The following VRK2 variants were observed in gnomAD, a reference collection of about 807,000 sequenced individuals.
The protein encoded by VRK2 is serine/threonine-protein kinase VRK2.
VRK2 carries 60 observed loss-of-function variants against 57.6 expected under a neutral mutation model. The ratio of observed to expected loss-of-function variants is 1.04; its 90% confidence interval spans 0.85 to 1.29. The LOEUF (loss-of-function observed/expected upper bound fraction) is 1.29, where lower values mean the gene tolerates loss of function less well. Ranked by LOEUF, VRK2 falls within the 50% of genes most tolerant of loss-of-function variation. The probability of loss-of-function intolerance (pLI) is 0.00; values close to 1 mark genes in which losing one functional copy is unlikely to be tolerated. For missense variants in VRK2, 705 were observed against 588.1 expected, an observed-to-expected ratio of 1.20 and a Z score of -2.06; for synonymous variants, 231 against 199.2, an observed-to-expected ratio of 1.16 and a Z score of -1.35.
At position 58,046,809 on chromosome 2, in the gene VRK2, G is replaced by T; in HGVS notation, c.-65G>T. The T allele has an allele frequency of 1.0e-6, 1 of 985,642 alleles. No homozygotes were observed. Among genetic ancestry groups the T allele is most frequent in the East Asian group, 1.1e-4 (1 of 8,800 alleles). The allele number at this position is 985,642 out of a possible 1,614,324, so 61.1% of individuals were successfully genotyped here. On this transcript the variant is annotated 5_prime_UTR_variant, in exon 1 of 13. Coordinates refer to ENST00000340157, the MANE Select transcript of VRK2 (RefSeq NM_006296.7). ...ACTGTAGGCCCGGGGGCTCCGCCTC[G>T]TCGCAGCGGCAGGTAGGAGGCGGTG...
intron 7 of VRK2, among the ~76,000 whole-genome samples, chr2:58,096,741 A>T (rs546695266): frequency 6.6e-6 from 1 of 151,272 alleles, no homozygotes; most frequent in East Asian, 1.9e-4. Flanking sequence ...TCTTGTCTTC[A>T]TATATACTCT....
chr2:58,124,851 G>C (rs1678068840), intron 8 of VRK2, among the ~76,000 whole-genome samples: 1 of 151,940 alleles, frequency 6.6e-6, no homozygotes, highest in Non-Finnish European at 1.5e-5. Context: ...TTTTTTTCAA[G>C]TATAGTTTGG....
At chr2:58,047,616 A>T in intron 1 of VRK2, 1 of 271,352 alleles carries the variant, frequency 3.7e-6, no homozygotes, top group Non-Finnish European at 5.6e-6. Flanking sequence ...TAAATCAGTA[A>T]ATCTGTAATA....
chr2:58,068,821 A>AC (rs1668985528), intron 2 of VRK2, among the ~76,000 whole-genome samples: 1 of 151,030 alleles, frequency 6.6e-6, no homozygotes, highest in African/African-American at 2.4e-5. Flanking sequence ...GAAAAAAAAA[A>AC]AAAAAAAACA....
At chr2:58,008,289 G>A (rs1673315609) in intron 1 of VRK2, among the ~76,000 whole-genome samples, 1 of 151,932 alleles carries the variant, frequency 6.6e-6, no homozygotes, top group Non-Finnish European at 1.5e-5. Context: ...AGGAAATATT[G>A]TCAACTGATG....
intron 1 of VRK2, among the ~76,000 whole-genome samples, chr2:57,973,836 G>C (rs553358863): frequency 3.9e-4 from 59 of 151,710 alleles, no homozygotes; most frequent in African/African-American, 1.2e-3. Flanking sequence ...AAGCAGCTGA[G>C]GCCAATATCT....
intron 4 of VRK2, among the ~76,000 whole-genome samples, chr2:58,085,806 A>G (rs1671532995): frequency 6.6e-6 from 1 of 151,960 alleles, no homozygotes; most frequent in South Asian, 2.1e-4. Flanking sequence ...GAGTCATGAA[A>G]AAAATGATGA....
At chr2:58,041,976 C>T (rs140874601), upstream of VRK2, among the ~76,000 whole-genome samples, 112 of 152,080 alleles carry the variant, frequency 7.4e-4, 1 homozygote, top group African/African-American at 2.6e-3. Flanking sequence ...TTACAAGTAT[C>T]GATTGACGTC....
intron 1 of VRK2, among the ~76,000 whole-genome samples, chr2:57,934,884 A>G (rs1345189289): frequency 1.3e-5 from 2 of 151,876 alleles, no homozygotes; most frequent in Non-Finnish European, 2.9e-5. Flanking sequence ...TCATTCATTT[A>G]TTACATTCTT....
intron 3 of VRK2, among the ~76,000 whole-genome samples, chr2:58,040,691 G>A (rs925381360): frequency 6.6e-6 from 1 of 152,184 alleles, no homozygotes; most frequent in Non-Finnish European, 1.5e-5. Flanking sequence ...GTGGAAGAAG[G>A]CAGCTAGCAA....
chr2:57,977,900 C>A (rs1672299062), intron 1 of VRK2, among the ~76,000 whole-genome samples: 1 of 151,040 alleles, frequency 6.6e-6, no homozygotes, highest in Admixed American at 6.6e-5. Flanking sequence ...CCTTCAATGA[C>A]TAGTTTGTTG....
intron 3 of VRK2, among the ~76,000 whole-genome samples, chr2:58,039,121 A>C (rs1177658151): frequency 6.6e-6 from 1 of 152,174 alleles, no homozygotes; most frequent in African/African-American, 2.4e-5. Flanking sequence ...TATCTGATTT[A>C]CGTAAAAATA....
chr2:58,074,802 G>T (rs933961142), intron 2 of VRK2, among the ~76,000 whole-genome samples: 9 of 151,986 alleles, frequency 5.9e-5, no homozygotes, highest in Non-Finnish European at 1.0e-4. Flanking sequence ...TTCTTGCAAG[G>T]TGGGTCTACT....
At chr2:58,010,216 G>C (rs1673378459) in intron 1 of VRK2, among the ~76,000 whole-genome samples, 1 of 151,992 alleles carries the variant, frequency 6.6e-6, no homozygotes, top group African/African-American at 2.4e-5. Context: ...GTGTGACCTT[G>C]GGCAAATCAC....
intron 12 of VRK2, chr2:58,154,621 A>C (rs1683514197): frequency 3.2e-6 from 2 of 631,200 alleles, no homozygotes; most frequent in East Asian, 5.5e-5. Flanking sequence ...ATTCGGTTCA[A>C]TGTATTTTTT....
At chr2:58,083,379 GA>G (rs1161612906) in intron 2 of VRK2, among the ~76,000 whole-genome samples, 1 of 151,780 alleles carries the variant, frequency 6.6e-6, no homozygotes, top group Non-Finnish European at 1.5e-5. Flanking sequence ...TAATGTAGAG[GA>G]AAAGATTAAT....
intron 1 of VRK2, among the ~76,000 whole-genome samples, chr2:57,909,477 T>G (rs1558487365): frequency 6.7e-6 from 1 of 150,078 alleles, no homozygotes; most frequent in East Asian, 1.9e-4. Flanking sequence ...TGTGTGTGTG[T>G]TTTTTTTTTA....
intron 1 of VRK2, among the ~76,000 whole-genome samples, chr2:57,940,563 G>C (rs1274176924): frequency 6.6e-6 from 1 of 151,938 alleles, no homozygotes; most frequent in Non-Finnish European, 1.5e-5. Context: ...AGTCTATTTA[G>C]AAAGAGCACT....
chr2:58,113,804 G>A (rs767115968), intron 7 of VRK2, among the ~76,000 whole-genome samples: 11 of 152,200 alleles, frequency 7.2e-5, no homozygotes, highest in South Asian at 2.1e-4. Flanking sequence ...CCATCTGGGC[G>A]TATACCTGCA....
Sources: gnomAD v4.1 joint callset for allele counts (sites outside exome capture counted in the v4.1 genomes callset) on GRCh38, gnomAD v4.1.1 for gene constraint, MANE v1.5 for transcripts, NCBI Gene and HGNC (gene_info 2026-07-23, HGNC 2026-07-21) for gene names.